The following MAP3K13 variants were observed in gnomAD, a reference collection of about 807,000 sequenced individuals.
MAP3K13 encodes the protein mitogen-activated protein kinase kinase kinase 13, also known as leucine zipper-bearing kinase.
MAP3K13 carries 52 observed loss-of-function variants against 104.0 expected under a neutral mutation model. That is an observed-to-expected ratio of 0.50 (90% CI 0.40 to 0.63). The LOEUF (loss-of-function observed/expected upper bound fraction) is 0.63, where lower values mean the gene tolerates loss of function less well. Among genes scored for constraint, MAP3K13 ranks in the 20% least tolerant of loss-of-function variants. The pLI is 0.00. For missense variants in MAP3K13, 914 were observed against 1,218.5 expected (o/e 0.75, Z 3.72); for synonymous variants, 394 against 442.2 (o/e 0.89, Z 1.37).
chr3:185,362,735 C>T (rs1008591620), upstream of MAP3K13, among the ~76,000 whole-genome samples: 5 of 152,134 alleles, frequency 3.3e-5, no homozygotes, highest in African/African-American at 1.2e-4. Context: ...AAATGGTTTT[C>T]CTGACTTTGA....
At chr3:185,329,213 T>C in intron 2 of MAP3K13, 1 of 703,094 alleles carries the variant, frequency 1.4e-6, no homozygotes. Context: ...TCTAATGTCT[T>C]ATGTTGAGTG....
rs200491049 is a variant in MAP3K13, at chr3:185,350,708, CAAAA to C, written c.-86+65068_-86+65071del. Among the ~76,000 whole-genome samples, 112 of 152,070 alleles carry C rather than the reference CAAAA, an allele frequency of 7.4e-4. 4 individuals are homozygous for C. In the East Asian group the frequency reaches 0.021, roughly 29 times the overall value. On this transcript the variant is annotated intron_variant, in intron 2 of 14. Coordinates refer to the MAP3K13 transcript ENST00000424227. ...AATCAGAATGGCTATTACAAAAAGT[CAAAA>C]AATAACAGATGCTGGCAAGGTCACA...
intron 2 of MAP3K13, chr3:185,291,749 C>A: frequency 1.3e-6 from 2 of 1,488,524 alleles, no homozygotes; most frequent in Non-Finnish European, 1.8e-6. Flanking sequence ...TCCATTGAAC[C>A]CTCTCACAAA....
chr3:185,455,116 G>T lies in MAP3K13; in HGVS notation c.1278+3721G>T, dbSNP rs892556060. ...TATGAGATATATGTGAGATATATGA[G>T]ATATATGTGAGATATATATATGATA... On this transcript the variant is annotated intron_variant, in intron 7 of 13. Transcript: ENST00000265026. Among the ~76,000 whole-genome samples the T allele has an allele frequency of 1.3e-3, 142 of 112,498 alleles. 6 individuals carry two copies. The highest frequency in any genetic ancestry group is 2.1e-3 in the Admixed American group (18 of 8,696). 73.8% of individuals were successfully genotyped at this position (112,498 alleles called of 152,430 possible).
At chr3:185,400,078 T>G (rs1560086314) in intron 1 of MAP3K13, among the ~76,000 whole-genome samples, 1 of 152,148 alleles carries the variant, frequency 6.6e-6, no homozygotes, top group African/African-American at 2.4e-5. Flanking sequence ...TCAAATCGAA[T>G]CATGTCACCT....
chr3:185,451,474 C>A (rs767430771), intron 7 of MAP3K13, 79 bp downstream of exon 7: 1 of 917,450 alleles, frequency 1.1e-6, no homozygotes, highest in South Asian at 1.4e-5. Flanking sequence ...CTTAGAAGGG[C>A]CCATTGTGTT....
At chr3:185,458,794 G>A (rs1716920656) in intron 7 of MAP3K13, among the ~76,000 whole-genome samples, 3 of 152,202 alleles carry the variant, frequency 2.0e-5, no homozygotes, top group Non-Finnish European at 1.5e-5. Flanking sequence ...ACTCCTTCCT[G>A]AGAAAACGCG....
At position 185,450,904 on chromosome 3, in the gene MAP3K13, A is replaced by G. The variant is rs2148897392; in HGVS notation, c.1170-383A>G. ...GGAGATCGAGACCATCCTGGTTAAC[A>G]CGATGAAACCCCGTCTCTACTAAAA... is the stretch of plus-strand genomic sequence containing the variant. On this transcript the variant is annotated intron_variant, in intron 6 of 13. Transcript: ENST00000265026. The surrounding 1 kb of genome is among the most constrained non-coding windows in gnomAD (Gnocchi z 4.2). 6.6e-6 allele frequency among the ~76,000 whole-genome samples: 1 copy of G among 152,334 alleles called. No individual in the cohort carries two copies. Among genetic ancestry groups the G allele is most frequent in the South Asian group, 2.1e-4 (1 of 4,828 alleles).
rs923697577 is a variant in MAP3K13 at position 185,432,485 on chromosome 3, C to T, written c.475+3429C>T. Among the ~76,000 whole-genome samples the T allele has an allele frequency of 7.4e-5, 11 of 148,152 alleles. No homozygotes were observed. In the South Asian group the frequency reaches 8.6e-4, roughly 12 times the overall value. The stretch of plus-strand genomic sequence containing the variant: ...GATTACAGGCATGAGCCACCACGCC[C>T]GGCCCTAATTTGTTATTTTTTAAAA... On this transcript the variant is annotated intron_variant, in intron 2 of 13. Coordinates refer to ENST00000265026, the MANE Select transcript of MAP3K13 (RefSeq NM_004721.5).
Position 185,472,987 on chromosome 3 carries a change from G to C in MAP3K13, c.1656G>C (p.Leu552Phe). 6.2e-7 allele frequency: 1 copy of C among 1,613,712 alleles called. No homozygotes were observed. The highest frequency in any genetic ancestry group is 8.5e-7 in the Non-Finnish European group (1 of 1,179,766). Residue 552 changes from leucine to phenylalanine, a missense_variant, in exon 11 of 14, where the codon TTG becomes TTC. This residue lies in a region of MAP3K13 where 583 missense variants were observed against 737.4 expected (regional missense o/e 0.79). Transcript: ENST00000265026. ...TCTTTCCTCCCAGGCCAGACTTGTT[G>C]AGATCAGAAGGGATCCCCACCACAG... is the stretch of plus-strand genomic sequence containing the variant. ...SGMQTKRPDL[L>F]RSEGIPTTEV...
intron 1 of MAP3K13, among the ~76,000 whole-genome samples, chr3:185,385,839 C>T (rs1269518201): frequency 6.6e-6 from 1 of 151,730 alleles, no homozygotes; most frequent in African/African-American, 2.4e-5. Context: ...TCTGTCTCTA[C>T]TAGAAATACA....
At position 185,454,361 on chromosome 3, in the gene MAP3K13, T is replaced by C. The variant is rs187494699; in HGVS notation, c.1278+2966T>C. 4.4e-5 allele frequency among the ~76,000 whole-genome samples: 5 copies of C among 114,810 alleles called. 2 individuals are homozygous for C. In the East Asian group the frequency reaches 1.2e-3, roughly 27 times the overall value. 75.3% of individuals were successfully genotyped at this position (114,810 alleles called of 152,430 possible). A position where few individuals can be genotyped will look rare whatever the true frequency, so the allele number is the denominator to read the frequency against. The stretch of plus-strand genomic sequence containing the variant: ...ATATATATGAGATATATGAGATATA[T>C]ATGAGATATATATATGAGATATATG... On this transcript the variant is annotated intron_variant, in intron 7 of 13. Transcript: ENST00000265026.
At chr3:185,361,863 G>A (rs1186130981), upstream of MAP3K13, among the ~76,000 whole-genome samples, 1 of 152,144 alleles carries the variant, frequency 6.6e-6, no homozygotes, top group African/African-American at 2.4e-5. Context: ...TGTTAACTAT[G>A]TTGTTTGCCA....
intron 1 of MAP3K13, among the ~76,000 whole-genome samples, chr3:185,412,475 A>G (rs1432419613): frequency 6.6e-6 from 1 of 152,154 alleles, no homozygotes; most frequent in Non-Finnish European, 1.5e-5. Flanking sequence ...TAATTAAACA[A>G]TGGGTATGGA....
At chr3:185,329,111 CAGT>C (rs1486631971) in intron 2 of MAP3K13, 4 of 612,710 alleles carry the variant, frequency 6.5e-6, no homozygotes, top group South Asian at 1.8e-5. Context: ...CAGCACTCAG[CAGT>C]AGTTTTATTT....
intron 2 of MAP3K13, among the ~76,000 whole-genome samples, chr3:185,433,457 C>T (rs1714859585): frequency 6.6e-6 from 1 of 152,112 alleles, no homozygotes; most frequent in Admixed American, 6.6e-5. Flanking sequence ...TATCTAGGCC[C>T]TTAATTTTGT....
chr3:185,438,012 G>C (rs1431700941), intron 3 of MAP3K13, among the ~76,000 whole-genome samples: 2 of 152,146 alleles, frequency 1.3e-5, no homozygotes, highest in African/African-American at 2.4e-5. Flanking sequence ...AACAAAGTTG[G>C]CCGGGCGCAG....
At chr3:185,436,479 A>G (rs1315242151) in intron 2 of MAP3K13, among the ~76,000 whole-genome samples, 1 of 152,214 alleles carries the variant, frequency 6.6e-6, no homozygotes, top group African/African-American at 2.4e-5. Context: ...CAGTTCTACC[A>G]GTTATCAGTT....
rs1260774616 is a variant in MAP3K13 at position 185,454,323 on chromosome 3, TGA to T, written c.1278+2931_1278+2932del. On this transcript the variant is annotated intron_variant, in intron 7 of 13. Coordinates refer to ENST00000265026, the MANE Select transcript of MAP3K13 (RefSeq NM_004721.5). ...ATATCATATATATATGAGATATATA[TGA>T]GATATATATGATATATATGAGATAT... 2.2e-3 allele frequency among the ~76,000 whole-genome samples: 215 copies of T among 99,682 alleles called. 42 individuals carry two copies. The highest frequency in any genetic ancestry group is 8.0e-3 in the African/African-American group (186 of 23,362). 65.4% of individuals were successfully genotyped at this position (99,682 alleles called of 152,430 possible). A position where few individuals can be genotyped will look rare whatever the true frequency, so the allele number is the denominator to read the frequency against.
Sources: gnomAD v4.1 joint callset for allele counts (sites outside exome capture counted in the v4.1 genomes callset) on GRCh38, gnomAD v4.1.1 for gene constraint, gnomAD v4.1.1 regional missense constraint, Gnocchi (gnomAD v3.1) non-coding constraint, MANE v1.5 for transcripts, NCBI Gene and HGNC (gene_info 2026-07-23, HGNC 2026-07-21) for gene names.